The following MARCHF11 variants were observed in gnomAD, a reference collection of about 807,000 sequenced individuals.
MARCHF11 encodes E3 ubiquitin-protein ligase MARCHF11.
A neutral mutation model predicts 37.3 loss-of-function variants in MARCHF11; 29 were observed. The observed-to-expected ratio is 0.78, with a 90% CI of 0.58 to 1.06. The LOEUF is 1.06. Ranked by LOEUF, MARCHF11 falls within the 50% of genes least tolerant of loss-of-function variation. The pLI, the probability that MARCHF11 is intolerant of heterozygous loss-of-function variation, is 0.00. For missense variants in MARCHF11, 482 were observed against 533.4 expected, an observed-to-expected ratio of 0.90 and a Z score of 0.95; for synonymous variants, 233 against 228.0, an observed-to-expected ratio of 1.02 and a Z score of -0.20.
chr5:16,085,925 G>A (rs1355290769), intron 3 of MARCHF11, among the ~76,000 whole-genome samples: 1 of 89,348 alleles, frequency 1.1e-5, no homozygotes, highest in Non-Finnish European at 2.2e-5. Context: ...GGGCGAAAGA[G>A]CAAGACTCCA....
In MARCHF11 at chr5:16,166,027, T is replaced by C. The variant is rs544286856; in HGVS notation, c.693+11699A>G. Reference sequence around the variant, plus strand: ...CTCTCCCATTTACTTATTTGTTTGATGATTTATTTATATTGGTGTTCACCT... The same window carrying C: ...CTCTCCCATTTACTTATTTGTTTGACGATTTATTTATATTGGTGTTCACCT... On this transcript the variant is annotated intron_variant, in intron 2 of 3. Transcript: ENST00000332432. Among the ~76,000 whole-genome samples the C allele has an allele frequency of 4.6e-5, 7 of 152,262 alleles. No individual in the cohort carries two copies. The East Asian group carries it at 9.7e-4, about 21-fold the overall frequency.
intron 2 of MARCHF11, among the ~76,000 whole-genome samples, chr5:16,156,659 A>C (rs926516677): frequency 3.3e-5 from 5 of 151,904 alleles, no homozygotes; most frequent in African/African-American, 1.2e-4. Flanking sequence ...ATGGTCATTA[A>C]TTGCTTAATG....
intron 3 of MARCHF11, among the ~76,000 whole-genome samples, chr5:16,070,429 G>T (rs1276478294): frequency 6.6e-6 from 1 of 152,138 alleles, no homozygotes; most frequent in Non-Finnish European, 1.5e-5. Context: ...TATGTGGTGG[G>T]GAACACACAT....
chr5:16,146,934 TA>T (rs1737807166), intron 2 of MARCHF11, among the ~76,000 whole-genome samples: 1 of 152,086 alleles, frequency 6.6e-6, no homozygotes. Flanking sequence ...TATCCTGTGC[TA>T]AAAATCTTAA....
chr5:16,128,383 C>T (rs1372198180), intron 2 of MARCHF11, among the ~76,000 whole-genome samples: 1 of 152,134 alleles, frequency 6.6e-6, no homozygotes, highest in Non-Finnish European at 1.5e-5. Flanking sequence ...GCAAGCAGTT[C>T]AAATGCAGGC....
chr5:16,149,457 T>C (rs1303443805), intron 2 of MARCHF11, among the ~76,000 whole-genome samples: 2 of 152,098 alleles, frequency 1.3e-5, no homozygotes, highest in African/African-American at 4.8e-5. Flanking sequence ...TATGAACTGG[T>C]AGAAGCATTT....
At position 16,067,803 on chromosome 5, in the gene MARCHF11, G is replaced by T. The variant is rs761278777; in HGVS notation, c.887-10C>A. ...TCATGAACAATGAGACCTAAAATTT[G>T]AGAAAATAAAAAACCAAAAAGACTG... On this transcript the variant is annotated splice_polypyrimidine_tract_variant and intron_variant, in intron 3 of 3. Coordinates refer to ENST00000332432, the MANE Select transcript of MARCHF11 (RefSeq NM_001102562.3). 7 of 1,593,602 alleles carry T rather than the reference G, an allele frequency of 4.4e-6. No individual in the cohort carries two copies. The South Asian group carries it at 7.9e-5, about 18-fold the overall frequency.
intron 2 of MARCHF11, among the ~76,000 whole-genome samples, chr5:16,144,881 C>T (rs1373916072): frequency 1.3e-5 from 2 of 152,144 alleles, no homozygotes; most frequent in Non-Finnish European, 2.9e-5. Context: ...GATTTAAATG[C>T]CATGTGCATG....
chr5:16,139,902 G>C (rs945609693), intron 2 of MARCHF11, among the ~76,000 whole-genome samples: 1 of 151,876 alleles, frequency 6.6e-6, no homozygotes, highest in Non-Finnish European at 1.5e-5. Context: ...AATTTTTATG[G>C]GATGTTTTCA....
In MARCHF11 at chr5:16,067,290, C is replaced by T. The variant is rs750065426; in HGVS notation, c.*181G>A. The T allele has an allele frequency of 1.1e-5, 6 of 543,010 alleles. No individual in the cohort carries two copies. Among genetic ancestry groups the T allele is most frequent in the South Asian group, 6.6e-5 (2 of 30,412 alleles). The allele number at this position is 543,010 out of a possible 1,614,324, so 33.6% of individuals were successfully genotyped here. A position where few individuals can be genotyped will look rare whatever the true frequency, so the allele number is the denominator to read the frequency against. ...ATAAAAGATGTGACAAACCAGACAA[C>T]GAAGAACAAGAGGACTCTTTTTCTC... On this transcript the variant is annotated 3_prime_UTR_variant, in exon 4 of 4. Coordinates refer to ENST00000332432, the MANE Select transcript of MARCHF11 (RefSeq NM_001102562.3).
intron 2 of MARCHF11, among the ~76,000 whole-genome samples, chr5:16,168,248 A>G (rs796431703): frequency 2.6e-5 from 4 of 152,200 alleles, no homozygotes; most frequent in African/African-American, 9.6e-5. Context: ...GAGGGCAGCA[A>G]GTAGACAGGA....
At chr5:16,158,031 G>C (rs1158603451) in intron 2 of MARCHF11, among the ~76,000 whole-genome samples, 9 of 151,864 alleles carry the variant, frequency 5.9e-5, no homozygotes, top group Admixed American at 5.9e-4. Flanking sequence ...AGGGCTTAAA[G>C]AGACATTTCT....
intron 3 of MARCHF11, among the ~76,000 whole-genome samples, chr5:16,089,409 G>A (rs1259818487): frequency 1.3e-5 from 2 of 152,128 alleles, no homozygotes; most frequent in Non-Finnish European, 2.9e-5. Flanking sequence ...ACTTCCAAAT[G>A]CTTTCATATG....
intron 2 of MARCHF11, among the ~76,000 whole-genome samples, chr5:16,110,430 C>T (rs1737117385): frequency 6.6e-6 from 1 of 152,144 alleles, no homozygotes; most frequent in Admixed American, 6.5e-5. Context: ...GCACTGCTGA[C>T]TTACAGGCTG....
intron 2 of MARCHF11, among the ~76,000 whole-genome samples, chr5:16,118,119 C>T (rs1737249900): frequency 6.6e-6 from 1 of 152,160 alleles, no homozygotes; most frequent in African/African-American, 2.4e-5. Flanking sequence ...GAGTGCCAAG[C>T]ACCTGTGGCA....
intron 2 of MARCHF11, among the ~76,000 whole-genome samples, chr5:16,101,249 T>G (rs1049332310): frequency 2.6e-5 from 4 of 152,106 alleles, no homozygotes; most frequent in African/African-American, 9.7e-5. Flanking sequence ...CATTTTAGGC[T>G]CCTGTAGTCC....
chr5:16,177,765 T>C lies in MARCHF11; in HGVS notation c.654A>G (p.Arg218=), dbSNP rs757051872. ...TCATTTTAATGGCTATAACATGGTA[T>C]CTATAACAGCAAAGTTCACAGGTCC... ...GSWTCELCCY[R]YHVIAIKMKQ... is the part of the protein sequence containing the mutation. The change falls in exon 2 of 4, where the codon AGA becomes AGG. Residue 218 remains arginine (R), a synonymous_variant. Transcript: ENST00000332432. The C allele has an allele frequency of 1.2e-6, 2 of 1,613,450 alleles. No individual in the cohort carries two copies. The highest frequency in any genetic ancestry group is 2.7e-5 in the African/African-American group (2 of 74,914).
chr5:16,115,556 T>C (rs1040267494), intron 2 of MARCHF11, among the ~76,000 whole-genome samples: 9 of 152,128 alleles, frequency 5.9e-5, no homozygotes, highest in African/African-American at 1.4e-4. Context: ...TTTTAATACA[T>C]TGAGTAAGAG....
intron 2 of MARCHF11, among the ~76,000 whole-genome samples, chr5:16,120,633 T>C (rs1737294529): frequency 6.6e-6 from 1 of 152,346 alleles, no homozygotes; most frequent in Non-Finnish European, 1.5e-5. Context: ...TGGGGTAGAC[T>C]GCAAAACTGG....
Sources: gnomAD v4.1 joint callset for allele counts (sites outside exome capture counted in the v4.1 genomes callset) on GRCh38, gnomAD v4.1.1 for gene constraint, MANE v1.5 for transcripts, NCBI Gene and HGNC (gene_info 2026-07-23, HGNC 2026-07-21) for gene names.